Variants in NPEPPS observed in about 807,000 individuals in gnomAD.
The protein encoded by NPEPPS is aminopeptidase puromycin sensitive.
Under a neutral mutation model 115.5 loss-of-function variants are expected in NPEPPS, and 14 were observed. The observed-to-expected ratio is 0.12, with a 90% CI of 0.08 to 0.19. The LOEUF is 0.19. Ranked by LOEUF, NPEPPS falls within the 10% of genes least tolerant of loss-of-function variation. The pLI is 1.00. For synonymous variants in NPEPPS, 285 were observed against 390.6 expected (o/e 0.73, Z 3.19); for missense variants, 523 against 1,110.8 (o/e 0.47, Z 7.52).
At chr17:47,615,281 T>C (rs1464885597) in intron 19 of NPEPPS, among the ~76,000 whole-genome samples, 1 of 152,118 alleles carries the variant, frequency 6.6e-6, no homozygotes, top group East Asian at 1.9e-4. Flanking sequence ...TTTTACCATA[T>C]TGGCCAGGCA....
chr17:47,572,242 C>T (rs1911243971), intron 3 of NPEPPS, among the ~76,000 whole-genome samples: 1 of 152,080 alleles, frequency 6.6e-6, no homozygotes, highest in South Asian at 2.1e-4. Context: ...TAGTGAGACC[C>T]TGTCTCTATA....
At chr17:47,575,665 C>T (rs1189939869) in intron 3 of NPEPPS, among the ~76,000 whole-genome samples, 5 of 150,822 alleles carry the variant, frequency 3.3e-5, no homozygotes, top group Non-Finnish European at 5.9e-5. Context: ...AGTGCAGTGG[C>T]GCGATCTCAG....
upstream of NPEPPS, among the ~76,000 whole-genome samples, chr17:47,528,892 T>C (rs896872228): frequency 1.3e-4 from 20 of 152,136 alleles, no homozygotes; most frequent in African/African-American, 4.8e-4. Flanking sequence ...TGCCTTGGCC[T>C]CCCAAAGTGC....
chr17:47,601,815 G>T, intron 15 of NPEPPS, 68 bp downstream of exon 15: 2 of 1,486,638 alleles, frequency 1.3e-6, no homozygotes, highest in South Asian at 1.2e-5. Context: ...TTTAAATTCT[G>T]CTTCAGTTTA....
intron 2 of NPEPPS, 115 bp from the exon 3 acceptor site, chr17:47,569,302 A>G: frequency 1.5e-6 from 1 of 654,658 alleles, no homozygotes; most frequent in Non-Finnish European, 2.7e-6. Flanking sequence ...AACTTAATTC[A>G]CCAAATTAAG....
chr17:47,535,986 G>A (rs552440000), intron 1 of NPEPPS, among the ~76,000 whole-genome samples: 2 of 151,808 alleles, frequency 1.3e-5, no homozygotes, highest in South Asian at 2.1e-4. Flanking sequence ...ACAGGCACGC[G>A]CCGCCATGCC....
chr17:47,549,169 C>T (rs1175342545), intron 2 of NPEPPS, among the ~76,000 whole-genome samples: 2 of 151,270 alleles, frequency 1.3e-5, no homozygotes, highest in African/African-American at 4.9e-5. Flanking sequence ...ATGGTGAAAC[C>T]CCATCTCTAC....
chr17:47,565,920 G>T (rs970863574), intron 2 of NPEPPS, among the ~76,000 whole-genome samples: 6 of 152,174 alleles, frequency 3.9e-5, no homozygotes, highest in African/African-American at 1.4e-4. Context: ...CCTGGGGTTG[G>T]AAAATGCTTA....
intron 2 of NPEPPS, among the ~76,000 whole-genome samples, chr17:47,566,339 T>C (rs1260077584): frequency 1.3e-5 from 2 of 152,016 alleles, no homozygotes; most frequent in African/African-American, 4.8e-5. Context: ...TGTAGTGATA[T>C]GTCATTGTGA....
intron 1 of NPEPPS, among the ~76,000 whole-genome samples, chr17:47,523,326 T>C (rs2143626313): frequency 6.7e-6 from 1 of 148,404 alleles, no homozygotes; most frequent in South Asian, 2.2e-4. Context: ...GAAATACTTC[T>C]TTCGATGACT....
intron 5 of NPEPPS, among the ~76,000 whole-genome samples, chr17:47,585,177 A>G (rs1912111998): frequency 6.6e-6 from 1 of 152,176 alleles, no homozygotes; most frequent in South Asian, 2.1e-4. Flanking sequence ...ATGTCAGTTG[A>G]AAAGTATGAA....
chr17:47,612,954 TGCCTGTAACTTTTTTTAAAAA>T (rs1421992573), intron 18 of NPEPPS, among the ~76,000 whole-genome samples: 1 of 152,114 alleles, frequency 6.6e-6, no homozygotes, highest in Non-Finnish European at 1.5e-5. Context: ...TGAGCTACCA[TGCCTGTAACTTTTTTTAAAAA>T]GCCTGGAACA....
intron 17 of NPEPPS, 118 bp downstream of exon 17, chr17:47,605,670 C>T (rs750054835): frequency 1.4e-5 from 10 of 693,714 alleles, no homozygotes; most frequent in South Asian, 9.7e-5. Flanking sequence ...ATTCAGCAAG[C>T]CAGAAATTAA....
At chr17:47,610,187 A>T (rs1315348654) in intron 17 of NPEPPS, among the ~76,000 whole-genome samples, 2 of 150,926 alleles carry the variant, frequency 1.3e-5, no homozygotes, top group Non-Finnish European at 3.0e-5. Flanking sequence ...CCCCAAAAAA[A>T]AAGCCTTGTG....
intron 14 of NPEPPS, 87 bp downstream of exon 14, chr17:47,599,826 C>CTTTT: frequency 1.1e-6 from 1 of 901,802 alleles, no homozygotes; most frequent in Non-Finnish European, 1.7e-6. Context: ...GGAAATTTTT[C>CTTTT]TTTTTTTTTT....
intron 1 of NPEPPS, among the ~76,000 whole-genome samples, chr17:47,542,385 A>G (rs1280761288): frequency 1.3e-5 from 2 of 152,250 alleles, no homozygotes; most frequent in African/African-American, 4.8e-5. Flanking sequence ...CGTCTCTACT[A>G]GAAATACAAA....
At chr17:47,561,583 T>C (rs2143774998) in intron 2 of NPEPPS, among the ~76,000 whole-genome samples, 1 of 152,330 alleles carries the variant, frequency 6.6e-6, no homozygotes, top group East Asian at 1.9e-4. Flanking sequence ...GTAATAATGT[T>C]GGGGCACTTT....
At chr17:47,554,469 C>T (rs1408044739) in intron 2 of NPEPPS, among the ~76,000 whole-genome samples, 1 of 152,114 alleles carries the variant, frequency 6.6e-6, no homozygotes, top group African/African-American at 2.4e-5. Context: ...TCAAGTGATC[C>T]TCCTGCTTCA....
chr17:47,560,872 G>C (rs1910381449), intron 2 of NPEPPS, among the ~76,000 whole-genome samples: 1 of 152,170 alleles, frequency 6.6e-6, no homozygotes, highest in African/African-American at 2.4e-5. Context: ...GAGCTACACT[G>C]GTATATGTGG....
Sources: gnomAD v4.1 joint callset for allele counts (sites outside exome capture counted in the v4.1 genomes callset) on GRCh38, gnomAD v4.1.1 for gene constraint, MANE v1.5 for transcripts, NCBI Gene and HGNC (gene_info 2026-07-23, HGNC 2026-07-21) for gene names.